The following POLH variants were observed in gnomAD, a reference collection of about 807,000 sequenced individuals.
POLH encodes DNA polymerase eta.
A neutral mutation model predicts 73.6 loss-of-function variants in POLH; 53 were observed. The observed-to-expected ratio is 0.72, with a 90% CI of 0.58 to 0.91. POLH has a LOEUF of 0.91. Ranked by LOEUF, POLH falls within the 40% of genes least tolerant of loss-of-function variation. POLH has a pLI of 0.00. For missense variants in POLH, 768 were observed against 865.4 expected, an observed-to-expected ratio of 0.89 and a Z score of 1.41; for synonymous variants, 292 against 308.5, an observed-to-expected ratio of 0.95 and a Z score of 0.56.
intron 1 of POLH, among the ~76,000 whole-genome samples, chr6:43,580,901 C>CG (rs1764061084): frequency 6.6e-6 from 1 of 150,818 alleles, no homozygotes; most frequent in African/African-American, 2.4e-5. Context: ...GCTGACCCCC[C>CG]CACCTCCCTC....
At chr6:43,585,024 TGTTGTGCAGCTCTA>T (rs1432988697) in intron 3 of POLH, among the ~76,000 whole-genome samples, 1 of 151,930 alleles carries the variant, frequency 6.6e-6, no homozygotes, top group Non-Finnish European at 1.5e-5. Context: ...CTAGACATGG[TGTTGTGCAGCTCTA>T]GTTCCAGCTA....
chr6:43,582,017 A>C (rs1225822593), intron 1 of POLH, among the ~76,000 whole-genome samples: 2 of 152,240 alleles, frequency 1.3e-5, no homozygotes, highest in African/African-American at 4.8e-5. Context: ...CACAGCATTC[A>C]AAGGAAATGT....
At chr6:43,611,781 C>T (rs952383194) in intron 10 of POLH, among the ~76,000 whole-genome samples, 4 of 151,952 alleles carry the variant, frequency 2.6e-5, no homozygotes, top group African/African-American at 9.7e-5. Context: ...TAGGGCCGGG[C>T]GCGGTGGCTC....
Position 43,610,056 on chromosome 6 carries a change from C to CTTT in POLH, c.1075-477_1075-475dup, listed in dbSNP as rs1297780442. Among the ~76,000 whole-genome samples the CTTT allele has an allele frequency of 4.1e-3, 403 of 98,480 alleles. 3 individuals are homozygous for CTTT. Among genetic ancestry groups the CTTT allele is most frequent in the Middle Eastern group, 7.7e-3 (1 of 130 alleles). 64.6% of individuals were successfully genotyped at this position (98,480 alleles called of 152,430 possible). A position where few individuals can be genotyped will look rare whatever the true frequency, so the allele number is the denominator to read the frequency against. ...GCATTCTGTTGCATATATATAGATT[C>CTTT]TTTTTTTTTTTTTTTTTTTTTTTGA... is the stretch of plus-strand genomic sequence containing the variant. On this transcript the variant is annotated intron_variant, in intron 9 of 10. Transcript: ENST00000372236.
At chr6:43,600,014 T>G (rs1766550330) in intron 5 of POLH, among the ~76,000 whole-genome samples, 1 of 151,874 alleles carries the variant, frequency 6.6e-6, no homozygotes, top group African/African-American at 2.4e-5. Context: ...CAAAATTAGC[T>G]GGGCATGGTG....
intron 1 of POLH, among the ~76,000 whole-genome samples, 174 bp downstream of exon 1, chr6:43,576,614 T>C (rs566515309): frequency 6.6e-5 from 10 of 152,348 alleles, no homozygotes; most frequent in Non-Finnish European, 1.0e-4. Flanking sequence ...GAAAAAAGTA[T>C]GTTTTTCCCT....
intron 9 of POLH, among the ~76,000 whole-genome samples, chr6:43,609,315 TA>T (rs1767638266): frequency 6.6e-6 from 1 of 152,242 alleles, no homozygotes; most frequent in Non-Finnish European, 1.5e-5. Context: ...CATGCAGTTA[TA>T]GTTGAATAAT....
At chr6:43,610,870 T>C (rs1178432147) in intron 10 of POLH, 147 bp downstream of exon 10, 2 of 704,062 alleles carry the variant, frequency 2.8e-6, no homozygotes, top group Non-Finnish European at 5.1e-6. Context: ...GAAGATGAAA[T>C]ATGCTTTTAT....
intron 7 of POLH, 45 bp from the exon 8 acceptor site, chr6:43,604,570 A>G (rs1226644530): frequency 6.3e-7 from 1 of 1,599,258 alleles, no homozygotes; most frequent in Non-Finnish European, 8.6e-7. Context: ...TTTAACAAGA[A>G]TAATCATTTA....
chr6:43,580,417 C>CAACA (rs1346196907), intron 1 of POLH, among the ~76,000 whole-genome samples: 1 of 150,018 alleles, frequency 6.7e-6, no homozygotes, highest in Non-Finnish European at 1.5e-5. Context: ...TCTCAATGAG[C>CAACA]TGTTGGGCAC....
chr6:43,593,272 C>T (rs1265758413), intron 4 of POLH, among the ~76,000 whole-genome samples: 6 of 152,120 alleles, frequency 3.9e-5, no homozygotes, highest in African/African-American at 7.2e-5. Context: ...CTCAATTCTC[C>T]CCAAATTGAC....
intron 4 of POLH, chr6:43,591,363 A>G (rs1406584547): frequency 1.3e-5 from 2 of 152,138 alleles, no homozygotes; most frequent in Non-Finnish European, 2.9e-5. Context: ...GGTGTCACCC[A>G]GGCTGGAATG....
At chr6:43,603,484 A>G (rs1766959563) in intron 6 of POLH, among the ~76,000 whole-genome samples, 1 of 151,406 alleles carries the variant, frequency 6.6e-6, no homozygotes, top group African/African-American at 2.4e-5. Context: ...CTGGTCTCAA[A>G]CTCCTGGACT....
chr6:43,614,703 C>G lies in POLH; in HGVS notation c.*146C>G, dbSNP rs946238520. 2.9e-6 allele frequency: 2 copies of G among 693,676 alleles called. No individual in the cohort carries two copies. Among genetic ancestry groups the G allele is most frequent in the Admixed American group, 5.6e-5 (2 of 35,600 alleles). The allele number at this position is 693,676 out of a possible 1,614,324, so 43.0% of individuals were successfully genotyped here. A position where few individuals can be genotyped will look rare whatever the true frequency, so the allele number is the denominator to read the frequency against. Reference sequence around the variant, plus strand: ...AATAATCCATTTAGGTGCTGAGTTACGGTCCCATCTCTTCACAGGCATGGA... The same window carrying G: ...AATAATCCATTTAGGTGCTGAGTTAGGGTCCCATCTCTTCACAGGCATGGA... On this transcript the variant is annotated 3_prime_UTR_variant, in exon 11 of 11. Coordinates refer to ENST00000372236, the MANE Select transcript of POLH (RefSeq NM_006502.3).
rs148589983 is a variant in POLH, at chr6:43,614,071, C to G, written c.1656C>G (p.Pro552=). ...KQLNNSSVSS[P]QQNPWSNCKA... is the part of the protein sequence containing the mutation. ...TTAATAATTCTTCAGTTTCTTCCCC[C>G]CAACAAAACCCATGGTCCAACTGTA... is the stretch of plus-strand genomic sequence containing the variant. Residue 552 remains proline (P), a synonymous_variant, in exon 11 of 11, where the codon CCC becomes CCG. Transcript: ENST00000372236. 106 of 1,614,206 alleles carry G rather than the reference C, an allele frequency of 6.6e-5. 2 individuals are homozygous for G. In the African/African-American group the frequency reaches 8.4e-4, roughly 13 times the overall value.
rs749031582 is a variant in POLH, at chr6:43,616,441, T to C, written c.*1884T>C. ...AAACCCCGTCTCTACTAAAAAAAATTAGCTGGGCTTGGTGGCAGGCGCCTG... is the reference window on the plus strand; with the variant it reads ...AAACCCCGTCTCTACTAAAAAAAATCAGCTGGGCTTGGTGGCAGGCGCCTG... On this transcript the variant is annotated 3_prime_UTR_variant, in exon 11 of 11. Coordinates refer to ENST00000372236, the MANE Select transcript of POLH (RefSeq NM_006502.3). 6.6e-6 allele frequency among the ~76,000 whole-genome samples: 1 copy of C among 151,022 alleles called. No individual in the cohort carries two copies.
In POLH at chr6:43,580,062, C is replaced by T. The variant is rs549242852; in HGVS notation, c.-4-2254C>T. 6.1e-5 allele frequency among the ~76,000 whole-genome samples: 9 copies of T among 148,234 alleles called. No homozygotes were observed. In the East Asian group the frequency reaches 1.4e-3, roughly 23 times the overall value. On this transcript the variant is annotated intron_variant, in intron 1 of 10. Transcript: ENST00000372236. ...CTAGGCAGAGGACCCTGCGGCCTTC[C>T]GCAGTGTTTGTGTCCCTGATTACTT...
In POLH at chr6:43,613,983, G is replaced by T. The variant is rs1273407528; in HGVS notation, c.1568G>T (p.Ser523Ile). 2.5e-6 allele frequency: 4 copies of T among 1,613,966 alleles called. No homozygotes were observed. In the African/African-American group the frequency reaches 5.3e-5, roughly 22 times the overall value. Residue 523 changes from serine to isoleucine, a missense_variant, in exon 11 of 11, where the codon AGT becomes ATT. Transcript: ENST00000372236. ...PSKPSLPFQT[S>I]QSTGTEPFFK... is the part of the protein sequence containing the mutation. ...AAGCCCTCATTACCTTTTCAAACCA[G>T]TCAAAGTACAGGAACTGAGCCCTTC...
intron 5 of POLH, among the ~76,000 whole-genome samples, chr6:43,598,349 G>A (rs917785154): frequency 2.6e-5 from 4 of 151,806 alleles, no homozygotes; most frequent in African/African-American, 4.8e-5. Context: ...GCTGAAGGCC[G>A]GGCATGGGGG....
Sources: gnomAD v4.1 joint callset for allele counts (sites outside exome capture counted in the v4.1 genomes callset) on GRCh38, gnomAD v4.1.1 for gene constraint, MANE v1.5 for transcripts, NCBI Gene and HGNC (gene_info 2026-07-23, HGNC 2026-07-21) for gene names.